The following RSF1 variants were observed in gnomAD, a reference collection of about 807,000 sequenced individuals.
RSF1 encodes HBV pX-associated protein 8.
A neutral mutation model predicts 145.2 loss-of-function variants in RSF1; 13 were observed. That is an observed-to-expected ratio of 0.09 (90% CI 0.06 to 0.14). The LOEUF (loss-of-function observed/expected upper bound fraction) is 0.14. RSF1 is among the 10% of genes least tolerant of loss of function. RSF1 has a pLI of 1.00. For missense variants in RSF1, 1,517 were observed against 1,718.2 expected (o/e 0.88, Z 2.07); for synonymous variants, 577 against 592.6 (o/e 0.97, Z 0.38).
In RSF1 at chr11:77,733,070, T is replaced by C. The variant is rs138660685; in HGVS notation, c.579-7371A>G. Among the ~76,000 whole-genome samples the C allele has an allele frequency of 3.9e-5, 6 of 152,342 alleles. No individual in the cohort carries two copies. The East Asian group carries it at 9.6e-4, about 24-fold the overall frequency. Reference sequence around the variant, plus strand: ...AAGGCTTTTTGTAAACATGTTTTCATTTCTCTAATATAAATACCCAGAAAT... The same window carrying C: ...AAGGCTTTTTGTAAACATGTTTTCACTTCTCTAATATAAATACCCAGAAAT... On this transcript the variant is annotated intron_variant, in intron 4 of 15. Transcript: ENST00000308488.
intron 1 of RSF1, among the ~76,000 whole-genome samples, chr11:77,789,830 A>G (rs1197991584): frequency 1.3e-5 from 2 of 152,192 alleles, no homozygotes; most frequent in Admixed American, 6.5e-5. Context: ...TTCTGGAAAC[A>G]GGGGACTGCT....
At chr11:77,682,296 C>G (rs1472511740) in intron 11 of RSF1, among the ~76,000 whole-genome samples, 1 of 152,096 alleles carries the variant, frequency 6.6e-6, no homozygotes, top group Non-Finnish European at 1.5e-5. Flanking sequence ...AAATAAGAAG[C>G]AAGTTCAAAG....
At chr11:77,861,486 G>T in the RSF1 span, among the ~76,000 whole-genome samples, 4 of 152,316 alleles carry the variant, frequency 2.6e-5, no homozygotes, top group Admixed American at 2.6e-4. Context: ...CCGGGGCTCT[G>T]TGAGGGTGAT....
chr11:77,830,702 G>A, the RSF1 span, among the ~76,000 whole-genome samples: 6 of 151,918 alleles, frequency 3.9e-5, no homozygotes, highest in African/African-American at 1.2e-4. Context: ...ACAGGATTGG[G>A]TGCTCTACAA....
At chr11:77,746,990 T>G in intron 3 of RSF1, 46 bp downstream of exon 3, 1 of 1,273,906 alleles carries the variant, frequency 7.8e-7, no homozygotes, top group Admixed American at 2.0e-5. Context: ...GAGTCAAAAG[T>G]TAAATTTTAA....
intron 1 of RSF1, among the ~76,000 whole-genome samples, chr11:77,807,168 T>C (rs939637963): frequency 6.6e-6 from 1 of 152,218 alleles, no homozygotes; most frequent in African/African-American, 2.4e-5. Flanking sequence ...AGAAACCTAA[T>C]GTATACAGTT....
At chr11:77,871,176 T>C in the RSF1 span, among the ~76,000 whole-genome samples, 5 of 152,214 alleles carry the variant, frequency 3.3e-5, no homozygotes, top group Non-Finnish European at 5.9e-5. Flanking sequence ...AGGGTACTTT[T>C]ATAAATCTCA....
intron 5 of RSF1, among the ~76,000 whole-genome samples, chr11:77,713,910 C>T (rs1363657735): frequency 2.0e-5 from 3 of 152,156 alleles, no homozygotes; most frequent in Admixed American, 1.3e-4. Flanking sequence ...CTCTCTTGTT[C>T]TTATAATCCC....
the RSF1 span, among the ~76,000 whole-genome samples, chr11:77,849,059 T>TG: frequency 6.6e-6 from 1 of 150,504 alleles, no homozygotes; most frequent in African/African-American, 2.4e-5. Context: ...TTTTTAAAGA[T>TG]GGGGTCTCAC....
chr11:77,771,472 C>A (rs1371590910), intron 1 of RSF1, among the ~76,000 whole-genome samples: 1 of 152,126 alleles, frequency 6.6e-6, no homozygotes, highest in Non-Finnish European at 1.5e-5. Flanking sequence ...GAAAATGATA[C>A]AAGATGCTGC....
chr11:77,728,171 T>A (rs143481619), intron 4 of RSF1, among the ~76,000 whole-genome samples: 1 of 152,306 alleles, frequency 6.6e-6, no homozygotes, highest in East Asian at 1.9e-4. Flanking sequence ...CAGGCTTTCT[T>A]AGGATATCGG....
chr11:77,679,572 C>G (rs1370581815), intron 11 of RSF1, among the ~76,000 whole-genome samples: 1 of 151,430 alleles, frequency 6.6e-6, no homozygotes, highest in Non-Finnish European at 1.5e-5. Context: ...ACTTGGGGGG[C>G]CGAGACAAGA....
At chr11:77,733,901 C>T (rs1961271031) in intron 4 of RSF1, among the ~76,000 whole-genome samples, 1 of 152,134 alleles carries the variant, frequency 6.6e-6, no homozygotes, top group African/African-American at 2.4e-5. Context: ...TGACATACCC[C>T]ATGGAGTGAA....
chr11:77,865,628 G>A, the RSF1 span, among the ~76,000 whole-genome samples: 3 of 152,162 alleles, frequency 2.0e-5, no homozygotes, highest in Non-Finnish European at 4.4e-5. Flanking sequence ...CCAGAAAATG[G>A]GCAGAATGGA....
the RSF1 span, among the ~76,000 whole-genome samples, chr11:77,865,257 T>G: frequency 1.6e-4 from 25 of 152,302 alleles, no homozygotes; most frequent in Admixed American, 7.9e-4. Flanking sequence ...ATCTCAAAAT[T>G]CAGTAGCATA....
intron 1 of RSF1, among the ~76,000 whole-genome samples, chr11:77,770,597 A>G (rs1948272812): frequency 6.6e-6 from 1 of 152,240 alleles, no homozygotes; most frequent in South Asian, 2.1e-4. Flanking sequence ...TGCTGTTCCA[A>G]TTTAGTTTTC....
chr11:77,814,201 A>G (rs1397623619), intron 1 of RSF1, among the ~76,000 whole-genome samples: 1 of 60,118 alleles, frequency 1.7e-5, no homozygotes, highest in African/African-American at 9.9e-5. Flanking sequence ...CTGTCTCAAA[A>G]AAAAAAAAAG....
rs528671143 is a variant in RSF1, at chr11:77,660,460, A to C, written c.*6457T>G. 44 of 136,736 alleles carry C rather than the reference A, an allele frequency of 3.2e-4. No individual in the cohort carries two copies. In the East Asian group the frequency reaches 0.011, roughly 33 times the overall value. The allele number at this position is 136,736 out of a possible 1,614,324, so 8.5% of individuals were successfully genotyped here. ...TACATTATGTGACAGAGAGCACTCC[A>C]GCTTCTATTTGACTAACAGCATGGT... is the stretch of plus-strand genomic sequence containing the variant. On this transcript the variant is annotated 3_prime_UTR_variant, in exon 16 of 16. Coordinates refer to ENST00000308488, the MANE Select transcript of RSF1 (RefSeq NM_016578.4).
intron 2 of RSF1, among the ~76,000 whole-genome samples, chr11:77,755,820 C>T (rs929845899): frequency 2.6e-5 from 4 of 152,136 alleles, no homozygotes; most frequent in Non-Finnish European, 4.4e-5. Context: ...CCTCGTGATC[C>T]GCCTGCCCTG....
Sources: allele counts gnomAD v4.1 joint callset (sites outside exome capture counted in the v4.1 genomes callset), GRCh38; gene constraint gnomAD v4.1.1; transcripts MANE v1.5; gene names NCBI Gene and HGNC (gene_info 2026-07-23, HGNC 2026-07-21).